The following CCSER1 variants were observed in gnomAD, a reference collection of about 807,000 sequenced individuals.
CCSER1 encodes the protein serine-rich coiled-coil domain-containing protein 1.
CCSER1 carries 41 observed loss-of-function variants against 82.0 expected under a neutral mutation model. That is an observed-to-expected ratio of 0.50 (90% CI 0.39 to 0.65). CCSER1 has a LOEUF of 0.65. CCSER1 is among the 30% of genes least tolerant of loss of function. CCSER1 has a pLI of 0.00. For synonymous variants in CCSER1, 414 were observed against 383.9 expected, an observed-to-expected ratio of 1.08 and a Z score of -0.92; for missense variants, 1,119 against 1,064.2, an observed-to-expected ratio of 1.05 and a Z score of -0.72.
intron 4 of CCSER1, among the ~76,000 whole-genome samples, chr4:90,403,691 C>A (rs1287355441): frequency 6.6e-6 from 1 of 151,820 alleles, no homozygotes; most frequent in African/African-American, 2.4e-5. Flanking sequence ...TACTGAAAAT[C>A]ATTAAAGGGG....
chr4:90,761,583 T>C (rs1288678345), intron 7 of CCSER1, among the ~76,000 whole-genome samples: 1 of 152,176 alleles, frequency 6.6e-6, no homozygotes, highest in African/African-American at 2.4e-5. Context: ...CGGCAATATA[T>C]TAATTTCAAA....
chr4:90,276,251 TTTCCTTCCTTCC>T lies in CCSER1; in HGVS notation c.-41-31946_-41-31935del, dbSNP rs1225474182. Among the ~76,000 whole-genome samples, 709 of 76,610 alleles carry T rather than the reference TTTCCTTCCTTCC, an allele frequency of 9.3e-3. 11 individuals are homozygous for T. The highest frequency in any genetic ancestry group is 0.017 in the African/African-American group (324 of 19,420). The allele number at this position is 76,610 out of a possible 152,430, so 50.3% of individuals were successfully genotyped here. A position where few individuals can be genotyped will look rare whatever the true frequency, so the allele number is the denominator to read the frequency against. On this transcript the variant is annotated intron_variant, in intron 1 of 10. Coordinates refer to ENST00000509176, the MANE Select transcript of CCSER1 (RefSeq NM_001145065.2). ...CTTTCTTTCTTTCTTTCTTTCTTTC[TTTCCTTCCTTCC>T]TTCCTTCCTTCCTTCCTTCCTTCCT... is the stretch of plus-strand genomic sequence containing the variant.
intron 1 of CCSER1, among the ~76,000 whole-genome samples, chr4:90,280,584 A>G (rs1233476401): frequency 6.6e-6 from 1 of 152,012 alleles, no homozygotes; most frequent in Non-Finnish European, 1.5e-5. Context: ...TGTTTGATTG[A>G]TTGAACTCAG....
At chr4:91,200,262 T>C (rs1735802029) in intron 10 of CCSER1, among the ~76,000 whole-genome samples, 1 of 152,216 alleles carries the variant, frequency 6.6e-6, no homozygotes, top group African/African-American at 2.4e-5. Flanking sequence ...AAGTTATATG[T>C]TATTGATTAT....
chr4:90,322,038 TAGTC>T (rs1356812455), intron 3 of CCSER1, among the ~76,000 whole-genome samples: 4 of 152,260 alleles, frequency 2.6e-5, no homozygotes, highest in Middle Eastern at 3.4e-3. Context: ...TTTGAGGTCT[TAGTC>T]AGGACATTTT....
At chr4:90,662,804 A>C (rs28691785) in intron 6 of CCSER1, among the ~76,000 whole-genome samples, 9,576 of 152,210 alleles carry the variant, frequency 0.063, 930 homozygotes, top group African/African-American at 0.21. Flanking sequence ...GGTACTCTAC[A>C]AATTTCAAGT....
At chr4:90,624,746 T>C (rs533988126) in intron 5 of CCSER1, among the ~76,000 whole-genome samples, 3 of 152,350 alleles carry the variant, frequency 2.0e-5, no homozygotes, top group East Asian at 1.9e-4. Context: ...TTGGTACTTA[T>C]GGACTTAGAA....
intron 3 of CCSER1, among the ~76,000 whole-genome samples, chr4:90,338,586 C>T (rs912852847): frequency 6.6e-6 from 1 of 152,146 alleles, no homozygotes; most frequent in Non-Finnish European, 1.5e-5. Context: ...AGTGCTTAAG[C>T]ATAGTATAGT....
intron 4 of CCSER1, among the ~76,000 whole-genome samples, chr4:90,454,606 C>T (rs1271232367): frequency 6.6e-6 from 1 of 152,054 alleles, no homozygotes; most frequent in Non-Finnish European, 1.5e-5. Flanking sequence ...TCATTGATGT[C>T]CCATTTATTA....
At chr4:91,218,901 T>C (rs1339626050) in intron 10 of CCSER1, among the ~76,000 whole-genome samples, 2 of 152,172 alleles carry the variant, frequency 1.3e-5, no homozygotes, top group African/African-American at 2.4e-5. Flanking sequence ...ATTGACGTAA[T>C]GTCAACACTA....
chr4:91,421,962 C>T (rs1486171732), intron 10 of CCSER1, among the ~76,000 whole-genome samples: 1 of 151,998 alleles, frequency 6.6e-6, no homozygotes, highest in African/African-American at 2.4e-5. Context: ...GCTTTAGAAG[C>T]TTAGATTACC....
chr4:90,460,742 T>C (rs914049002), intron 4 of CCSER1, among the ~76,000 whole-genome samples: 6 of 152,190 alleles, frequency 3.9e-5, no homozygotes, highest in African/African-American at 1.4e-4. Context: ...TTTGAAGGTC[T>C]TTGCTTTCTT....
At position 90,788,639 on chromosome 4, in the gene CCSER1, T is replaced by TTAAC. The variant is rs543308362; in HGVS notation, c.2011-27119_2011-27116dup. ...CACTTCCCTCCAGTATTTTCTCTTTTTAACTAATGATGTCTGCAAAGACCT... is the reference window on the plus strand; with the variant it reads ...CACTTCCCTCCAGTATTTTCTCTTTTTAACTAACTAATGATGTCTGCAAAGACCT... On this transcript the variant is annotated intron_variant, in intron 7 of 10. Coordinates refer to ENST00000509176, the MANE Select transcript of CCSER1 (RefSeq NM_001145065.2). Among the ~76,000 whole-genome samples, 33 of 152,310 alleles carry TTAAC rather than the reference T, an allele frequency of 2.2e-4. 1 individual carries two copies. The South Asian group carries it at 6.4e-3, about 30-fold the overall frequency.
At chr4:90,537,524 AT>A (rs1775566046) in intron 5 of CCSER1, among the ~76,000 whole-genome samples, 1 of 151,542 alleles carries the variant, frequency 6.6e-6, no homozygotes, top group Non-Finnish European at 1.5e-5. Context: ...TAAATTTTGA[AT>A]TTCTGATTCG....
intron 8 of CCSER1, among the ~76,000 whole-genome samples, chr4:90,825,746 TTTG>T (rs1760346845): frequency 7.0e-6 from 1 of 142,932 alleles, no homozygotes; most frequent in African/African-American, 2.8e-5. Flanking sequence ...TTTTTTTTTT[TTTG>T]AGATGGAGTC....
chr4:90,590,644 T>A (rs1782576515), intron 5 of CCSER1, among the ~76,000 whole-genome samples: 1 of 152,132 alleles, frequency 6.6e-6, no homozygotes, highest in Admixed American at 6.5e-5. Context: ...TCTGTTCTGT[T>A]CCATAAGCCT....
At chr4:90,708,626 T>C (rs1053094574) in intron 6 of CCSER1, among the ~76,000 whole-genome samples, 7 of 152,196 alleles carry the variant, frequency 4.6e-5, no homozygotes, top group Non-Finnish European at 7.3e-5. Flanking sequence ...TCTTTGTCTT[T>C]ATTATTTATT....
In CCSER1 at chr4:91,597,778, A is replaced by G. The variant is rs192082285; in HGVS notation, c.2218-794A>G. 2.4e-3 allele frequency among the ~76,000 whole-genome samples: 282 copies of G among 115,352 alleles called. 5 individuals carry two copies. The East Asian group carries it at 0.052, about 21-fold the overall frequency. The allele number at this position is 115,352 out of a possible 152,430, so 75.7% of individuals were successfully genotyped here. On this transcript the variant is annotated intron_variant, in intron 10 of 10. Coordinates refer to ENST00000509176, the MANE Select transcript of CCSER1 (RefSeq NM_001145065.2). Reference sequence around the variant, plus strand: ...AAATCCTTCATTTTTTGCATGCAGAACAATTAAGCCAGCCAGTCTCAGTTT... The same window carrying G: ...AAATCCTTCATTTTTTGCATGCAGAGCAATTAAGCCAGCCAGTCTCAGTTT...
Position 90,554,345 on chromosome 4 carries a change from G to A in CCSER1, c.1725-73680G>A, listed in dbSNP as rs117869133. Among the ~76,000 whole-genome samples the A allele has an allele frequency of 7.2e-3, 1,093 of 152,170 alleles. 15 individuals are homozygous for A. The highest frequency in any genetic ancestry group is 0.021 in the African/African-American group (878 of 41,528). On this transcript the variant is annotated intron_variant, in intron 5 of 10. Coordinates refer to ENST00000509176, the MANE Select transcript of CCSER1 (RefSeq NM_001145065.2). The stretch of plus-strand genomic sequence containing the variant: ...TACCACTGCACTCCAGTCCAGCCTC[G>A]GCAACAGGGCAAAGCCCTGTCTCAA...
Sources: gnomAD v4.1 joint callset for allele counts (sites outside exome capture counted in the v4.1 genomes callset) on GRCh38, gnomAD v4.1.1 for gene constraint, MANE v1.5 for transcripts, NCBI Gene and HGNC (gene_info 2026-07-23, HGNC 2026-07-21) for gene names.